Variants in GBA2 observed in about 807,000 individuals in gnomAD.
GBA2 encodes the protein non-lysosomal glucosylceramidase.
Under a neutral mutation model 112.9 loss-of-function variants are expected in GBA2, and 79 were observed. The observed-to-expected ratio is 0.70, with a 90% CI of 0.58 to 0.84. GBA2 has a LOEUF of 0.84. GBA2 is among the 40% of genes least tolerant of loss of function. The pLI, the probability that GBA2 is intolerant of heterozygous loss-of-function variation, is 0.00. For missense variants in GBA2, 1,043 were observed against 1,190.0 expected (o/e 0.88, Z 1.82); for synonymous variants, 403 against 434.3 (o/e 0.93, Z 0.90).
Position 35,741,686 on chromosome 9 carries a change from G to A in GBA2, c.772C>T (p.Pro258Ser). Residue 258 changes from proline (P) to serine (S), a missense_variant, in exon 4 of 17, where the codon CCC (proline) becomes TCC (serine). Coordinates refer to ENST00000378103, the MANE Select transcript of GBA2 (RefSeq NM_020944.3). This position sits in a 1 kb window ranked among gnomAD's most constrained non-coding sequence, Gnocchi z 4.6. Reference protein sequence around the residue: ...LTCRQITPILPHDYQDSSLPV... With the variant: ...LTCRQITPILSHDYQDSSLPV... ...GGGGGCCTCACCTGGTAGTCATGGGGCAAGATGGGTGTGATCTGACGGCAG... is the reference window on the plus strand; with the variant it reads ...GGGGGCCTCACCTGGTAGTCATGGGACAAGATGGGTGTGATCTGACGGCAG... 1 of 1,607,550 alleles carries A rather than the reference G, an allele frequency of 6.2e-7. No individual in the cohort carries two copies. Among genetic ancestry groups the A allele is most frequent in the Non-Finnish European group, 8.5e-7 (1 of 1,174,026 alleles).
chr9:35,741,325 C>CTTT lies in GBA2; in HGVS notation c.787-264_787-262dup. ...CTCCCTTTCACAGGCCATGCAGTTT[C>CTTT]TTTTTTTTTTTTTTTGGGGGGTGCG... On this transcript the variant is annotated intron_variant, in intron 4 of 16. Coordinates refer to ENST00000378103, the MANE Select transcript of GBA2 (RefSeq NM_020944.3). The surrounding 1 kb of genome is among the most constrained non-coding windows in gnomAD (Gnocchi z 4.6). 45 of 409,730 alleles carry CTTT rather than the reference C, an allele frequency of 1.1e-4. No individual in the cohort carries two copies. Among genetic ancestry groups the CTTT allele is most frequent in the South Asian group, 1.7e-4 (5 of 29,994 alleles). 25.4% of individuals were successfully genotyped at this position (409,730 alleles called of 1,614,324 possible).
Position 35,744,500 on chromosome 9 carries a change from G to A in GBA2, c.452-88C>T. On this transcript the variant is annotated intron_variant, in intron 2 of 16. Coordinates refer to ENST00000378103, the MANE Select transcript of GBA2 (RefSeq NM_020944.3). ...CTAGACTATAAAGCCTGGTTCCTCT[G>A]AAAACCTAGGGGATGGAACAGTGCA... 2.8e-6 allele frequency: 3 copies of A among 1,061,946 alleles called. No homozygotes were observed. In the Admixed American group the frequency reaches 5.3e-5, roughly 19 times the overall value. The allele number at this position is 1,061,946 out of a possible 1,614,324, so 65.8% of individuals were successfully genotyped here. A position where few individuals can be genotyped will look rare whatever the true frequency, so the allele number is the denominator to read the frequency against.
chr9:35,737,257 G>A lies in GBA2; in HGVS notation c.2696C>T (p.Ser899Phe). ...TGTGCCCTGTTTGACTTTTGGCCAG[G>A]AGGCCTTTTTGTGCTGCTGCTGTTG... ...ALQQQQHKKA[S>F]WPKVKQGTGL... is the part of the protein sequence containing the mutation. Residue 899 changes from serine (S) to phenylalanine (F), a missense_variant, in exon 17 of 17, where the codon TCC becomes TTC. By Grantham distance (155) the Ser-to-Phe change is radical. Coordinates refer to ENST00000378103, the MANE Select transcript of GBA2 (RefSeq NM_020944.3). This position sits in a 1 kb window ranked among gnomAD's most constrained non-coding sequence, Gnocchi z 4.1. The A allele has an allele frequency of 6.2e-7, 1 of 1,613,958 alleles. No individual in the cohort carries two copies. The highest frequency in any genetic ancestry group is 1.1e-5 in the South Asian group (1 of 91,088).
At chr9:35,738,002 A>AT (rs1483893211) in intron 15 of GBA2, 35 bp downstream of exon 15, 1 of 1,595,420 alleles carries the variant, frequency 6.3e-7, no homozygotes, top group Middle Eastern at 1.7e-4. Context: ...GGGAAAACCC[A>AT]TTTTTCTCTC....
rs1295073258 is a variant in GBA2, at chr9:35,736,931, A to G, written c.*238T>C. The stretch of plus-strand genomic sequence containing the variant: ...CACCATGAATGTACCTGGGGAAATC[A>G]ACTGACCTCCCTGAACATTTCACGC... On this transcript the variant is annotated 3_prime_UTR_variant, in exon 17 of 17. Coordinates refer to ENST00000378103, the MANE Select transcript of GBA2 (RefSeq NM_020944.3). The G allele has an allele frequency of 1.5e-5, 11 of 750,246 alleles. No individual in the cohort carries two copies. The highest frequency in any genetic ancestry group is 1.1e-5 in the Non-Finnish European group (5 of 472,898). 46.5% of individuals were successfully genotyped at this position (750,246 alleles called of 1,614,324 possible).
chr9:35,749,165 C>A lies in GBA2; in HGVS notation c.-461G>T. 3.4e-6 allele frequency: 1 copy of A among 290,832 alleles called. No individual in the cohort carries two copies. Among genetic ancestry groups the A allele is most frequent in the Non-Finnish European group, 6.7e-6 (1 of 149,400 alleles). 18.0% of individuals were successfully genotyped at this position (290,832 alleles called of 1,614,324 possible). On this transcript the variant is annotated 5_prime_UTR_variant, in exon 1 of 17. Coordinates refer to ENST00000378103, the MANE Select transcript of GBA2 (RefSeq NM_020944.3). The surrounding 1 kb of genome is among the most constrained non-coding windows in gnomAD (Gnocchi z 4.4). The stretch of plus-strand genomic sequence containing the variant: ...GGCCGGCTCCGGGGCAGCGCCCGCG[C>A]CCAGGTGCCAGCCCGTGGGAAGGTG...
In GBA2 at chr9:35,737,885, C is replaced by T. The variant is rs200544152; in HGVS notation, c.2368G>A (p.Val790Ile). The change falls in exon 16 of 17, where the codon GTC (valine) becomes ATC (isoleucine). Residue 790 changes from valine (V) to isoleucine (I), a missense_variant. Physicochemically the swap from Val to Ile is conservative, Grantham distance 29. Coordinates refer to ENST00000378103, the MANE Select transcript of GBA2 (RefSeq NM_020944.3). This position sits in a 1 kb window ranked among gnomAD's most constrained non-coding sequence, Gnocchi z 4.1. Reference sequence around the variant, plus strand: ...ATGGCCCCTCCTGCAAAGGCCTGGACGTTCAGCTCAAAGATAGTTTGGAGA... The same window carrying T: ...ATGGCCCCTCCTGCAAAGGCCTGGATGTTCAGCTCAAAGATAGTTTGGAGA... ...RALQTIFELN[V>I]QAFAGGAMGA... 5.0e-6 allele frequency: 8 copies of T among 1,613,600 alleles called. No individual in the cohort carries two copies. Among genetic ancestry groups the T allele is most frequent in the South Asian group, 2.2e-5 (2 of 91,080 alleles).
At chr9:35,742,170 GAGTGAT>G in intron 3 of GBA2, 1 of 508,216 alleles carries the variant, frequency 2.0e-6, no homozygotes, top group South Asian at 2.1e-5. Flanking sequence ...CTGGGTAGCA[GAGTGAT>G]CTTTCTCACA....
Position 35,741,168 on chromosome 9 carries a change from C to T in GBA2, c.787-104G>A. 9.9e-6 allele frequency: 12 copies of T among 1,208,148 alleles called. No individual in the cohort carries two copies. In the South Asian group the frequency reaches 1.5e-4, roughly 15 times the overall value. 74.8% of individuals were successfully genotyped at this position (1,208,148 alleles called of 1,614,324 possible). A position where few individuals can be genotyped will look rare whatever the true frequency, so the allele number is the denominator to read the frequency against. On this transcript the variant is annotated intron_variant, in intron 4 of 16. Transcript: ENST00000378103. The surrounding 1 kb of genome is among the most constrained non-coding windows in gnomAD (Gnocchi z 4.6). ...CACAGAGGACCTGACTCAAATACTC[C>T]CCAGTGTACTCTTCTTTTGTCCACT...
chr9:35,738,651 G>T lies in GBA2; in HGVS notation c.1948-19C>A. ...TCACAGCCTAGAGAGGGACCAAGATGTTGAAGACCTAGGTACCGAGGAAAG... is the reference window on the plus strand; with the variant it reads ...TCACAGCCTAGAGAGGGACCAAGATTTTGAAGACCTAGGTACCGAGGAAAG... On this transcript the variant is annotated intron_variant, in intron 12 of 16. Coordinates refer to ENST00000378103, the MANE Select transcript of GBA2 (RefSeq NM_020944.3). The T allele has an allele frequency of 6.2e-7, 1 of 1,601,310 alleles. No homozygotes were observed. Among genetic ancestry groups the T allele is most frequent in the Non-Finnish European group, 8.6e-7 (1 of 1,168,316 alleles).
In GBA2 at chr9:35,740,141, A is replaced by G; in HGVS notation, c.1284-18T>C. On this transcript the variant is annotated intron_variant, in intron 7 of 16. Coordinates refer to ENST00000378103, the MANE Select transcript of GBA2 (RefSeq NM_020944.3). This position sits in a 1 kb window ranked among gnomAD's most constrained non-coding sequence, Gnocchi z 4.7. ...TATACCGCCTGGGGTGGGAAGGGGAAGGATGAACACAAGCCCCAGGTCAGA... is the reference window on the plus strand; with the variant it reads ...TATACCGCCTGGGGTGGGAAGGGGAGGGATGAACACAAGCCCCAGGTCAGA... 1 of 1,614,110 alleles carries G rather than the reference A, an allele frequency of 6.2e-7. No individual in the cohort carries two copies. Among genetic ancestry groups the G allele is most frequent in the South Asian group, 1.1e-5 (1 of 91,082 alleles).
Position 35,744,333 on chromosome 9 carries a change from A to C in GBA2, c.531T>G (p.Pro177=). The change falls in exon 3 of 17, where the codon CCT becomes CCG. Residue 177 remains proline (P), a synonymous_variant. Coordinates refer to ENST00000378103, the MANE Select transcript of GBA2 (RefSeq NM_020944.3). ...RGQFCRWQLN[P]GMYQHRTVIA... ...TGACTGTCCGGTGCTGATACATTCCAGGGTTAAGCTGCCAACGACAGAACT... is the reference window on the plus strand; with the variant it reads ...TGACTGTCCGGTGCTGATACATTCCCGGGTTAAGCTGCCAACGACAGAACT... The C allele has an allele frequency of 6.2e-7, 1 of 1,612,814 alleles. No individual in the cohort carries two copies. Among genetic ancestry groups the C allele is most frequent in the East Asian group, 2.2e-5 (1 of 44,874 alleles).
At chr9:35,745,323 C>A (rs577241485) in intron 1 of GBA2, among the ~76,000 whole-genome samples, 1 of 152,166 alleles carries the variant, frequency 6.6e-6, no homozygotes, top group East Asian at 1.9e-4. Flanking sequence ...TGGGGTTTCA[C>A]CATGTTAGCC....
chr9:35,741,949 C>T lies in GBA2; in HGVS notation c.568-59G>A, dbSNP rs1826717246. On this transcript the variant is annotated intron_variant, in intron 3 of 16. Coordinates refer to ENST00000378103, the MANE Select transcript of GBA2 (RefSeq NM_020944.3). The surrounding 1 kb of genome is among the most constrained non-coding windows in gnomAD (Gnocchi z 4.6). ...CCACAGGGACCACAGACTAAGTCTT[C>T]CCTCTCCTCAAATCAGCTCCTCCCC... 8.7e-7 allele frequency: 1 copy of T among 1,146,452 alleles called. No homozygotes were observed. The highest frequency in any genetic ancestry group is 1.3e-6 in the Non-Finnish European group (1 of 766,254). 71.0% of individuals were successfully genotyped at this position (1,146,452 alleles called of 1,614,324 possible).
Position 35,740,901 on chromosome 9 carries a change from T to G in GBA2, c.950A>C (p.Glu317Ala). ...ATGCAGGAGCAGCCCCCGGACAGTT[T>G]CCCCGCTACGCTCCAGACAGAAGGG... ...NEPFCLERSG[E>A]TVRGLLLHHP... Residue 317 changes from glutamate to alanine, a missense_variant, in exon 5 of 17, where the codon GAA (glutamate) becomes GCA (alanine). By Grantham distance (107) the Glu-to-Ala change is moderately radical. Transcript: ENST00000378103. This position sits in a 1 kb window ranked among gnomAD's most constrained non-coding sequence, Gnocchi z 4.7. 1 of 1,613,688 alleles carries G rather than the reference T, an allele frequency of 6.2e-7. No homozygotes were observed. The highest frequency in any genetic ancestry group is 8.5e-7 in the Non-Finnish European group (1 of 1,179,858).
rs1826296129 is a variant in GBA2, at chr9:35,737,579, C to T, written c.2506-132G>A. The T allele has an allele frequency of 1.3e-6, 2 of 1,558,482 alleles. No homozygotes were observed. The highest frequency in any genetic ancestry group is 1.4e-5 in the African/African-American group (1 of 73,434). On this transcript the variant is annotated intron_variant, in intron 16 of 16. Coordinates refer to ENST00000378103, the MANE Select transcript of GBA2 (RefSeq NM_020944.3). This position sits in a 1 kb window ranked among gnomAD's most constrained non-coding sequence, Gnocchi z 4.1. ...GCAAGTGGAGGAGATAACTATGACC[C>T]ACAGACAGAAGCCTGAAGGCAGGAG...
intron 3 of GBA2, among the ~76,000 whole-genome samples, chr9:35,743,823 C>T (rs1021336331): frequency 6.6e-6 from 1 of 152,188 alleles, no homozygotes; most frequent in African/African-American, 2.4e-5. Flanking sequence ...AGCCAGGAGA[C>T]CTCCAGGGGA....
In GBA2 at chr9:35,739,879, G is replaced by A. The variant is rs3750434; in HGVS notation, c.1410-79C>T. 0.42 allele frequency: 639,757 copies of A among 1,539,394 alleles called. 135,163 individuals carry two copies. The highest frequency in any genetic ancestry group is 0.51 in the Middle Eastern group (3,007 of 5,860). ...AAAGGATTTGGGGGTTCAGCAGAGTGGGATCATCAAATGAATCCCAGTGCA... is the reference window on the plus strand; with the variant it reads ...AAAGGATTTGGGGGTTCAGCAGAGTAGGATCATCAAATGAATCCCAGTGCA... On this transcript the variant is annotated intron_variant, in intron 8 of 16. Transcript: ENST00000378103.
rs779109688 is a variant in GBA2 at position 35,738,645 on chromosome 9, C to G, written c.1948-13G>C. On this transcript the variant is annotated splice_polypyrimidine_tract_variant and intron_variant, in intron 12 of 16. Coordinates refer to ENST00000378103, the MANE Select transcript of GBA2 (RefSeq NM_020944.3). ...ATTCCATCACAGCCTAGAGAGGGACCAAGATGTTGAAGACCTAGGTACCGA... is the reference window on the plus strand; with the variant it reads ...ATTCCATCACAGCCTAGAGAGGGACGAAGATGTTGAAGACCTAGGTACCGA... The G allele has an allele frequency of 4.4e-6, 7 of 1,606,558 alleles. No homozygotes were observed. In the Admixed American group the frequency reaches 6.7e-5, roughly 15 times the overall value.
Sources: gnomAD v4.1 joint callset for allele counts (sites outside exome capture counted in the v4.1 genomes callset) on GRCh38, gnomAD v4.1.1 for gene constraint, Gnocchi (gnomAD v3.1) non-coding constraint, MANE v1.5 for transcripts, NCBI Gene and HGNC (gene_info 2026-07-23, HGNC 2026-07-21) for gene names.